The following CDKL3 variants were observed in gnomAD, a reference collection of about 807,000 sequenced individuals.
The protein encoded by CDKL3 is cyclin dependent kinase like 3, also known as cyclin-dependent kinase-like 3.
CDKL3 carries 65 observed loss-of-function variants against 69.3 expected under a neutral mutation model. The ratio of observed to expected loss-of-function variants is 0.94; its 90% CI spans 0.77 to 1.15. The LOEUF (loss-of-function observed/expected upper bound fraction) is 1.15. Ranked by LOEUF, CDKL3 falls within the 50% of genes most tolerant of loss-of-function variation. CDKL3 has a pLI of 0.00. For synonymous variants in CDKL3, 202 were observed against 221.6 expected (o/e 0.91, Z 0.79); for missense variants, 652 against 689.2 (o/e 0.95, Z 0.61).
chr5:134,296,703 T>C (rs1686294481), downstream of CDKL3, among the ~76,000 whole-genome samples: 1 of 151,776 alleles, frequency 6.6e-6, no homozygotes, highest in Admixed American at 6.6e-5. Flanking sequence ...ATCCCAAAAC[T>C]TTGGGAGGCC....
intron 4 of CDKL3, among the ~76,000 whole-genome samples, chr5:134,344,970 CAGG>C (rs1344900112): frequency 6.6e-5 from 10 of 152,020 alleles, no homozygotes; most frequent in African/African-American, 1.9e-4. Context: ...GAGGCTGAGG[CAGG>C]AGAATTGCTT....
At chr5:134,343,482 A>C (rs1305356451) in intron 4 of CDKL3, among the ~76,000 whole-genome samples, 2 of 152,226 alleles carry the variant, frequency 1.3e-5, no homozygotes, top group African/African-American at 4.8e-5. Flanking sequence ...TTCCCAAAGC[A>C]GACTTCCTTC....
chr5:134,299,828 T>C, intron 12 of CDKL3: 1 of 926,386 alleles, frequency 1.1e-6, no homozygotes, highest in South Asian at 1.5e-5. Flanking sequence ...CAGAGATAAA[T>C]ACTTGTACTT....
At chr5:134,311,492 C>A (rs555354358) in intron 7 of CDKL3, among the ~76,000 whole-genome samples, 2 of 150,602 alleles carry the variant, frequency 1.3e-5, no homozygotes, top group East Asian at 3.9e-4. Flanking sequence ...GGCAACAAAG[C>A]GAGACTTCAT....
Position 134,302,599 on chromosome 5 carries a change from T to C in CDKL3, c.1710A>G (p.Glu570=). The C allele has an allele frequency of 1.3e-6, 2 of 1,563,598 alleles. No homozygotes were observed. Residue 570 remains glutamate (E), a synonymous_variant, in exon 12 of 13, where the codon GAA becomes GAG. Coordinates refer to ENST00000265334, the MANE Select transcript of CDKL3 (RefSeq NM_001113575.2). The part of the protein sequence containing the change: ...PTLLNVDQNQ[E]KQEGGDGHCE... ...ATACAAAAAGAGTTACCTCTTGTTT[T>C]TCTTGATTTTGATCCACGTTAAGTA... is the stretch of plus-strand genomic sequence containing the variant.
chr5:134,371,536 G>C, upstream of CDKL3: 3 of 1,587,000 alleles, frequency 1.9e-6, no homozygotes, highest in East Asian at 6.8e-5. Flanking sequence ...CGCGCCGGGG[G>C]GTGGGGGGGC....
At chr5:134,348,464 A>G (rs1193376216) in intron 4 of CDKL3, among the ~76,000 whole-genome samples, 13 of 152,168 alleles carry the variant, frequency 8.5e-5, no homozygotes, top group Non-Finnish European at 1.5e-5. Flanking sequence ...TGTTTCAAAC[A>G]CAATGTGAAG....
chr5:134,324,556 A>AC (rs1001167384), intron 4 of CDKL3, among the ~76,000 whole-genome samples: 3 of 152,146 alleles, frequency 2.0e-5, no homozygotes, highest in African/African-American at 7.2e-5. Context: ...AAAAGGAGGA[A>AC]CCTTAAATAT....
intron 4 of CDKL3, among the ~76,000 whole-genome samples, chr5:134,335,306 C>T (rs1268238159): frequency 6.6e-6 from 1 of 152,054 alleles, no homozygotes; most frequent in Non-Finnish European, 1.5e-5. Flanking sequence ...TTAATTGGGG[C>T]ATTTAGCTCA....
At chr5:134,363,408 C>T (rs1411671571) in intron 2 of CDKL3, among the ~76,000 whole-genome samples, 1 of 151,582 alleles carries the variant, frequency 6.6e-6, no homozygotes, top group Non-Finnish European at 1.5e-5. Context: ...ATTCTCCTGC[C>T]TCAGCCTCTT....
chr5:134,360,233 T>A (rs1755686148), intron 2 of CDKL3, 142 bp from the exon 3 acceptor site: 1 of 658,570 alleles, frequency 1.5e-6, no homozygotes, highest in East Asian at 2.8e-5. Context: ...TGAGATGGAG[T>A]CTTGCTCTGT....
At chr5:134,351,492 C>T (rs551098991) in intron 3 of CDKL3, among the ~76,000 whole-genome samples, 1 of 152,308 alleles carries the variant, frequency 6.6e-6, no homozygotes, top group East Asian at 1.9e-4. Flanking sequence ...AAGCTCACTG[C>T]AGCCTCAAAC....
At chr5:134,354,382 G>T (rs2073312574) in intron 3 of CDKL3, among the ~76,000 whole-genome samples, 1 of 152,188 alleles carries the variant, frequency 6.6e-6, no homozygotes, top group South Asian at 2.1e-4. Flanking sequence ...CTCAGTGACA[G>T]AAATCTGGGA....
chr5:134,288,419 T>G (rs1764974223), intron 8 of CDKL3, among the ~76,000 whole-genome samples: 1 of 152,238 alleles, frequency 6.6e-6, no homozygotes, highest in African/African-American at 2.4e-5. Flanking sequence ...ACAGCTCTCT[T>G]TTAAAACTGT....
intron 8 of CDKL3, among the ~76,000 whole-genome samples, chr5:134,286,732 C>A (rs1471656337): frequency 1.3e-5 from 2 of 152,116 alleles, no homozygotes; most frequent in Non-Finnish European, 2.9e-5. Flanking sequence ...CTTGTAATAA[C>A]CATCAGATCT....
chr5:134,310,668 G>A (rs1273881599), intron 7 of CDKL3, among the ~76,000 whole-genome samples: 4 of 151,944 alleles, frequency 2.6e-5, no homozygotes, highest in African/African-American at 9.7e-5. Context: ...TGCATTTTCA[G>A]TAGAGATGGG....
intron 5 of CDKL3, among the ~76,000 whole-genome samples, chr5:134,320,782 G>A (rs1222761834): frequency 6.6e-6 from 1 of 150,976 alleles, no homozygotes; most frequent in Non-Finnish European, 1.5e-5. Flanking sequence ...GCTGAGGCAG[G>A]AGAATGGCAT....
At chr5:134,307,002 G>A (rs1408056573) in intron 9 of CDKL3, among the ~76,000 whole-genome samples, 1 of 151,998 alleles carries the variant, frequency 6.6e-6, no homozygotes, top group Non-Finnish European at 1.5e-5. Flanking sequence ...TGATACACTC[G>A]CCTTGGCCTC....
downstream of CDKL3, among the ~76,000 whole-genome samples, chr5:134,297,348 G>A (rs899932679): frequency 7.9e-5 from 12 of 152,096 alleles, no homozygotes; most frequent in South Asian, 2.1e-4. Context: ...TTTCCTTAAC[G>A]TTAGGGTCCA....
Sources: allele counts gnomAD v4.1 joint callset (sites outside exome capture counted in the v4.1 genomes callset), GRCh38; gene constraint gnomAD v4.1.1; transcripts MANE v1.5; gene names NCBI Gene and HGNC (gene_info 2026-07-23, HGNC 2026-07-21).